ARFGEF2: variants seen among roughly 807,000 people sequenced by gnomAD.
ARFGEF2 encodes the protein ARF guanine nucleotide exchange factor 2.
Under a neutral mutation model 219.9 loss-of-function variants are expected in ARFGEF2, and 74 were observed. The observed-to-expected ratio is 0.34, with a 90% CI of 0.28 to 0.41. The LOEUF (loss-of-function observed/expected upper bound fraction) is 0.41. Ranked by LOEUF, ARFGEF2 falls within the 10% of genes least tolerant of loss-of-function variation. ARFGEF2 has a pLI of 1.00. For synonymous variants in ARFGEF2, 733 were observed against 799.2 expected (o/e 0.92, Z 1.40); for missense variants, 1,743 against 2,218.3 (o/e 0.79, Z 4.30).
Position 48,974,738 on chromosome 20 carries a change from C to A in ARFGEF2, c.1666-28C>A, listed in dbSNP as rs748533459. 1.8e-5 allele frequency: 28 copies of A among 1,581,340 alleles called. No homozygotes were observed. The South Asian group carries it at 2.9e-4, about 16-fold the overall frequency. On this transcript the variant is annotated intron_variant, in intron 12 of 38. Coordinates refer to ENST00000371917, the MANE Select transcript of ARFGEF2 (RefSeq NM_006420.3). ...TGTTCTCTTCATTTTTCTGTTAAGT[C>A]TCTTTCCTGTGTGACTTCGTCCCTT...
At chr20:48,993,251 G>C (rs1462477296) in intron 21 of ARFGEF2, among the ~76,000 whole-genome samples, 2 of 152,102 alleles carry the variant, frequency 1.3e-5, no homozygotes, top group African/African-American at 4.8e-5. Flanking sequence ...AAATTAATTA[G>C]CTACCTCTGC....
At chr20:48,989,161 A>G (rs928449718) in intron 18 of ARFGEF2, 124 bp from the exon 19 acceptor site, 2 of 1,100,928 alleles carry the variant, frequency 1.8e-6, no homozygotes, top group Admixed American at 1.9e-5. Flanking sequence ...AATATTTGTA[A>G]TGGACTCACG....
rs557395633 is a variant in ARFGEF2, at chr20:49,004,159, G to A, written c.3433-911G>A. ...CCTGATCACTTGAGTTCAGGAGTTC[G>A]AGACCAGCCTGGCCAACATGGTGAA... On this transcript the variant is annotated intron_variant, in intron 25 of 38. Transcript: ENST00000371917. 5.3e-5 allele frequency among the ~76,000 whole-genome samples: 8 copies of A among 152,102 alleles called. No individual in the cohort carries two copies. In the South Asian group the frequency reaches 1.7e-3, roughly 32 times the overall value.
intron 6 of ARFGEF2, 83 bp downstream of exon 6, chr20:48,953,873 C>G (rs1424332813): frequency 7.6e-7 from 1 of 1,319,168 alleles, no homozygotes; most frequent in African/African-American, 1.5e-5. Context: ...TATGTCATAA[C>G]ATCTGAAGGA....
intron 26 of ARFGEF2, among the ~76,000 whole-genome samples, chr20:49,006,219 GGGAGGT>G (rs1207546937): frequency 6.6e-6 from 1 of 151,916 alleles, no homozygotes; most frequent in Admixed American, 6.6e-5. Context: ...GCTTGAACCC[GGGAGGT>G]GGAGGTTATA....
intron 8 of ARFGEF2, among the ~76,000 whole-genome samples, chr20:48,968,563 T>G (rs1281221442): frequency 6.6e-6 from 1 of 151,946 alleles, no homozygotes; most frequent in Admixed American, 6.6e-5. Context: ...GGTTTCACTA[T>G]GTTGGCCAAG....
chr20:49,026,550 T>A (rs926276008), intron 36 of ARFGEF2, among the ~76,000 whole-genome samples: 1 of 151,874 alleles, frequency 6.6e-6, no homozygotes, highest in African/African-American at 2.4e-5. Flanking sequence ...AGTGATACTT[T>A]ATATAATTTT....
At chr20:48,928,981 C>G (rs2090896773) in intron 1 of ARFGEF2, among the ~76,000 whole-genome samples, 1 of 152,176 alleles carries the variant, frequency 6.6e-6, no homozygotes, top group Non-Finnish European at 1.5e-5. Flanking sequence ...CTAGGGAAAA[C>G]AGTAAGACCA....
rs376819444 is a variant in ARFGEF2 at position 49,011,947 on chromosome 20, C to T, written c.3781C>T (p.Pro1261Ser). Residue 1261 changes from proline (P) to serine (S), a missense_variant, in exon 28 of 39, where the codon CCT becomes TCT. Pro to Ser is a moderately conservative substitution (Grantham distance 74). Around this residue, in one of 5 missense-constraint regions of ARFGEF2, gnomAD observed 578 missense variants for 664.0 expected, o/e 0.87. Coordinates refer to ENST00000371917, the MANE Select transcript of ARFGEF2 (RefSeq NM_006420.3). ...IVTTIFQHHF[P>S]AAIDSFQDAV... ...AGCAACTATTTTCCAGCACCATTTT[C>T]CTGCAGCCATCGATTCCTTTCAGGA... 1.9e-6 allele frequency: 3 copies of T among 1,614,070 alleles called. No individual in the cohort carries two copies. The African/African-American group carries it at 4.0e-5, about 22-fold the overall frequency.
intron 6 of ARFGEF2, among the ~76,000 whole-genome samples, chr20:48,960,058 G>A (rs969042377): frequency 6.6e-5 from 10 of 152,192 alleles, no homozygotes; most frequent in Non-Finnish European, 1.0e-4. Flanking sequence ...ACAGGGATAC[G>A]TTCTGAGAAA....
chr20:48,994,398 C>G (rs2091374187), intron 21 of ARFGEF2, 53 bp from the exon 22 acceptor site: 3 of 1,610,138 alleles, frequency 1.9e-6, no homozygotes, highest in African/African-American at 1.3e-5. Context: ...TTACAGTGCC[C>G]TTTTTCTAGC....
chr20:48,930,736 C>T (rs543712281), intron 1 of ARFGEF2, among the ~76,000 whole-genome samples: 30 of 152,128 alleles, frequency 2.0e-4, no homozygotes, highest in Admixed American at 4.6e-4. Context: ...GCCTGATGTT[C>T]ATAAGAGAGG....
At position 48,950,265 on chromosome 20, in the gene ARFGEF2, A is replaced by G. The variant is rs556086572; in HGVS notation, c.277-1058A>G. 9.2e-5 allele frequency among the ~76,000 whole-genome samples: 14 copies of G among 152,220 alleles called. No homozygotes were observed. The East Asian group carries it at 2.1e-3, about 23-fold the overall frequency. Reference sequence around the variant, plus strand: ...GAAATGCAGATGAAGTTTTTACATTAATTTTTGGGGTAGAAAATACACTGA... The same window carrying G: ...GAAATGCAGATGAAGTTTTTACATTGATTTTTGGGGTAGAAAATACACTGA... On this transcript the variant is annotated intron_variant, in intron 3 of 38. Transcript: ENST00000371917.
In ARFGEF2 at chr20:48,965,915, A is replaced by G; in HGVS notation, c.951A>G (p.Leu317=). 6.2e-7 allele frequency: 1 copy of G among 1,614,242 alleles called. No homozygotes were observed. The highest frequency in any genetic ancestry group is 8.5e-7 in the Non-Finnish European group (1 of 1,180,034). ...GTCTGACAGAACCTGAGAGAGTTCT[A>G]GGTGAACTGGAGTGCCAGGAATGTG... ...KHGLTEPERV[L]GELECQECAI... is the part of the protein sequence containing the mutation. The change falls in exon 8 of 39, where the codon CTA becomes CTG. Residue 317 remains leucine (L), a synonymous_variant. Transcript: ENST00000371917.
At chr20:48,975,226 C>T (rs950581129) in intron 13 of ARFGEF2, among the ~76,000 whole-genome samples, 3 of 152,074 alleles carry the variant, frequency 2.0e-5, no homozygotes, top group Admixed American at 6.6e-5. Flanking sequence ...TTCCATTACC[C>T]GGCTGGAATA....
chr20:48,966,531 C>T (rs2091188274), intron 8 of ARFGEF2, among the ~76,000 whole-genome samples: 1 of 152,188 alleles, frequency 6.6e-6, no homozygotes, highest in East Asian at 1.9e-4. Context: ...TATGAACATT[C>T]TCTCAGGCCC....
At chr20:49,025,767 A>G (rs987834256) in intron 36 of ARFGEF2, among the ~76,000 whole-genome samples, 9 of 152,104 alleles carry the variant, frequency 5.9e-5, no homozygotes, top group Non-Finnish European at 1.2e-4. Context: ...AGATCACTTG[A>G]GGCCAGGAGT....
Position 48,994,538 on chromosome 20 carries a change from A to G in ARFGEF2, c.3061A>G (p.Arg1021Gly). The change falls in exon 22 of 39, where the codon AGA (arginine) becomes GGA (glycine). Residue 1021 changes from arginine to glycine, a missense_variant. Physicochemically the swap from Arg to Gly is moderately radical, Grantham distance 125. Around this residue, in one of 5 missense-constraint regions of ARFGEF2, gnomAD observed 666 missense variants for 955.4 expected, o/e 0.70. Transcript: ENST00000371917. ...CTACCTGTCTGGATCTGGGCGTGAA[A>G]GAGAAGGGAGCCTGAAGGGCCACAC... ...TRYLSGSGRE[R>G]EGSLKGHTLA... is the part of the protein sequence containing the mutation. 6.2e-7 allele frequency: 1 copy of G among 1,614,132 alleles called. No individual in the cohort carries two copies. The highest frequency in any genetic ancestry group is 8.5e-7 in the Non-Finnish European group (1 of 1,180,034).
intron 12 of ARFGEF2, among the ~76,000 whole-genome samples, chr20:48,974,140 T>A: frequency 6.8e-6 from 1 of 146,200 alleles, no homozygotes; most frequent in Non-Finnish European, 1.5e-5. Context: ...TTTTTTTTTT[T>A]TTTGAGACAG....
Sources: allele counts gnomAD v4.1 joint callset (sites outside exome capture counted in the v4.1 genomes callset), GRCh38; gene constraint gnomAD v4.1.1; regional missense constraint gnomAD v4.1.1; transcripts MANE v1.5; gene names NCBI Gene and HGNC (gene_info 2026-07-23, HGNC 2026-07-21).